The following CFLAR variants were observed in gnomAD, a reference collection of about 807,000 sequenced individuals.
CFLAR encodes the protein CASP8 and FADD like apoptosis regulator, also known as CASP8 and FADD-like apoptosis regulator.
Under a neutral mutation model 51.1 loss-of-function variants are expected in CFLAR, and 14 were observed. That is an observed-to-expected ratio of 0.27 (90% CI 0.18 to 0.43). CFLAR has a LOEUF of 0.43. CFLAR is among the 20% of genes least tolerant of loss of function. The pLI, the probability that CFLAR is intolerant of heterozygous loss-of-function variation, is 1.00. For synonymous variants in CFLAR, 210 were observed against 211.6 expected (o/e 0.99, Z 0.06); for missense variants, 390 against 566.5 (o/e 0.69, Z 3.16).
At chr2:201,140,157 G>A in intron 4 of CFLAR, 200 bp from the exon 5 acceptor site, 1 of 397,022 alleles carries the variant, frequency 2.5e-6, no homozygotes, top group Admixed American at 5.0e-5. Context: ...GGCAGCGGCG[G>A]GGCGGGCCAG....
chr2:201,132,653 G>A (rs1002716225), intron 2 of CFLAR: 1 of 167,404 alleles, frequency 6.0e-6, no homozygotes, highest in Non-Finnish European at 1.3e-5. Flanking sequence ...TTGTTAAACA[G>A]AGAAGGCTAC....
chr2:201,159,006 T>G (rs1399845770), intron 8 of CFLAR, among the ~76,000 whole-genome samples: 1 of 151,624 alleles, frequency 6.6e-6, no homozygotes, highest in African/African-American at 2.4e-5. Context: ...GCCTCCCTAG[T>G]AGCTGGGATT....
intron 4 of CFLAR, chr2:201,139,748 A>G (rs554329807): frequency 6.5e-6 from 1 of 152,942 alleles, no homozygotes; most frequent in East Asian, 1.9e-4. Context: ...CTATTATTCT[A>G]TGACCCTGCC....
At chr2:201,149,429 T>TA (rs1157364136) in intron 7 of CFLAR, 1 of 297,946 alleles carries the variant, frequency 3.4e-6, no homozygotes, top group Non-Finnish European at 6.3e-6. Context: ...ATGCCACTTA[T>TA]ATAACTTCAG....
rs1411448335 is a variant in CFLAR at position 201,159,548 on chromosome 2, A to G, written c.794-884A>G. On this transcript the variant is annotated intron_variant, in intron 8 of 9. Transcript: ENST00000309955. ...TGGTCTTGAACTCCTGACCTCAGGT[A>G]ATCTGCCCGCCTCAGCCTCCCAAAG... 2.0e-5 allele frequency among the ~76,000 whole-genome samples: 3 copies of G among 151,338 alleles called. No individual in the cohort carries two copies. In the East Asian group the frequency reaches 5.9e-4, roughly 30 times the overall value.
chr2:201,163,487 C>T (rs1048984495), intron 9 of CFLAR: 5 of 1,114,980 alleles, frequency 4.5e-6, no homozygotes, highest in Middle Eastern at 4.0e-4. Flanking sequence ...CAGCAGGAAG[C>T]GGGGGTTAGA....
intron 8 of CFLAR, among the ~76,000 whole-genome samples, chr2:201,153,965 T>A (rs1273915810): frequency 6.8e-6 from 1 of 147,734 alleles, no homozygotes; most frequent in East Asian, 2.0e-4. Context: ...AGTGCAGTGG[T>A]GCAATCTTGG....
At chr2:201,119,711 T>C (rs1366608055) in intron 1 of CFLAR, among the ~76,000 whole-genome samples, 1 of 152,146 alleles carries the variant, frequency 6.6e-6, no homozygotes, top group East Asian at 1.9e-4. Flanking sequence ...TTCTGTACTG[T>C]AATGCATTTT....
chr2:201,138,384 C>T lies in CFLAR; in HGVS notation c.524-1973C>T, dbSNP rs575421966. 5.8e-5 allele frequency: 45 copies of T among 774,066 alleles called. No homozygotes were observed. The African/African-American group carries it at 5.9e-4, about 10-fold the overall frequency. 47.9% of individuals were successfully genotyped at this position (774,066 alleles called of 1,614,324 possible). On this transcript the variant is annotated intron_variant, in intron 4 of 9. Transcript: ENST00000309955. This position sits in a 1 kb window ranked among gnomAD's most constrained non-coding sequence, Gnocchi z 4.0. ...ACAGGGTAGTCTCGGTTCTTCAGCG[C>T]GGTGCAGGTGATAATGGCCACCAGC...
intron 7 of CFLAR, chr2:201,149,270 A>G (rs1940839506): frequency 2.2e-6 from 1 of 459,996 alleles, no homozygotes; most frequent in Non-Finnish European, 4.0e-6. Context: ...GAAGTTCCAA[A>G]GTAGCACTCC....
rs905716371 is a variant in CFLAR, at chr2:201,131,474, G to A, written c.281+1328G>A. 2.6e-5 allele frequency among the ~76,000 whole-genome samples: 4 copies of A among 152,160 alleles called. No individual in the cohort carries two copies. In the South Asian group the frequency reaches 8.3e-4, roughly 32 times the overall value. On this transcript the variant is annotated intron_variant, in intron 2 of 9. Transcript: ENST00000309955. ...TGGTCTTGAACTCTTAGCCTCAAGT[G>A]ATCTGCCCTCCTTGGCCTCTTAAAG...
chr2:201,159,558 C>T (rs1403788232), intron 8 of CFLAR, among the ~76,000 whole-genome samples: 1 of 151,780 alleles, frequency 6.6e-6, no homozygotes, highest in East Asian at 1.9e-4. Flanking sequence ...AATCTGCCCG[C>T]CTCAGCCTCC....
At chr2:201,132,982 T>C (rs12721499) in intron 2 of CFLAR, 47 bp from the exon 3 acceptor site, 54 of 1,598,236 alleles carry the variant, frequency 3.4e-5, no homozygotes, top group Non-Finnish European at 6.9e-6. Context: ...TGGAGTTGTC[T>C]TAGGACTGAT....
Position 201,129,540 on chromosome 2 carries a change from T to C in CFLAR, c.-137-189T>C, listed in dbSNP as rs541178546. 1.6e-3 allele frequency: 640 copies of C among 405,342 alleles called. 5 individuals carry two copies. Among genetic ancestry groups the C allele is most frequent in the African/African-American group, 0.011 (554 of 48,954 alleles). The allele number at this position is 405,342 out of a possible 1,614,324, so 25.1% of individuals were successfully genotyped here. ...TACAATGTAGGTTTTCTTCTCTGTC[T>C]TTTTGGATTAGTCTGTTTTTGGTTC... is the stretch of plus-strand genomic sequence containing the variant. On this transcript the variant is annotated intron_variant, in intron 1 of 9. Transcript: ENST00000309955.
chr2:201,123,269 T>A (rs111622440), intron 1 of CFLAR, among the ~76,000 whole-genome samples: 2 of 152,210 alleles, frequency 1.3e-5, no homozygotes, highest in Admixed American at 1.3e-4. Flanking sequence ...TTGTGGGAGC[T>A]TCCTTGAGAG....
intron 5 of CFLAR, among the ~76,000 whole-genome samples, chr2:201,143,073 A>G (rs543235821): frequency 6.6e-6 from 1 of 152,248 alleles, no homozygotes; most frequent in East Asian, 1.9e-4. Flanking sequence ...AAAACCTGCC[A>G]TATTTTTACT....
chr2:201,154,491 A>G (rs886305209), intron 8 of CFLAR: 2 of 152,242 alleles, frequency 1.3e-5, no homozygotes, highest in Non-Finnish European at 2.9e-5. Flanking sequence ...TCCAAAACCT[A>G]TGCTTTTAAC....
chr2:201,161,712 G>T (rs1035917235), intron 9 of CFLAR, among the ~76,000 whole-genome samples: 1 of 148,342 alleles, frequency 6.7e-6, no homozygotes, highest in African/African-American at 2.5e-5. Context: ...ACTGCGCCTG[G>T]CCACAAATTT....
chr2:201,134,687 A>T (rs987519362), intron 3 of CFLAR, among the ~76,000 whole-genome samples: 5 of 151,294 alleles, frequency 3.3e-5, no homozygotes, highest in African/African-American at 9.7e-5. Flanking sequence ...AAAATAAAAA[A>T]ATATAAAATA....
Sources: allele counts gnomAD v4.1 joint callset (sites outside exome capture counted in the v4.1 genomes callset), GRCh38; gene constraint gnomAD v4.1.1; non-coding constraint Gnocchi (gnomAD v3.1); transcripts MANE v1.5; gene names NCBI Gene and HGNC (gene_info 2026-07-23, HGNC 2026-07-21).